The following MTHFD2L variants were observed in gnomAD, a reference collection of about 807,000 sequenced individuals.
MTHFD2L encodes bifunctional methylenetetrahydrofolate dehydrogenase/cyclohydrolase 2, mitochondrial.
MTHFD2L carries 29 observed loss-of-function variants against 34.9 expected under a neutral mutation model. The observed-to-expected ratio is 0.83, with a 90% CI of 0.62 to 1.13. The LOEUF (loss-of-function observed/expected upper bound fraction) is 1.13. Among genes scored for constraint, MTHFD2L ranks in the 50% most tolerant of loss-of-function variants. The pLI, the probability that MTHFD2L is intolerant of heterozygous loss-of-function variation, is 0.00. For missense variants in MTHFD2L, 481 were observed against 446.5 expected, an observed-to-expected ratio of 1.08 and a Z score of -0.70; for synonymous variants, 167 against 155.7, an observed-to-expected ratio of 1.07 and a Z score of -0.54.
intron 5 of MTHFD2L, among the ~76,000 whole-genome samples, chr4:74,210,651 T>G (rs1253296962): frequency 6.6e-6 from 1 of 152,128 alleles, no homozygotes; most frequent in African/African-American, 2.4e-5. Context: ...GTTCTTTTTG[T>G]TTAGGATTGT....
intron 6 of MTHFD2L, among the ~76,000 whole-genome samples, chr4:74,235,114 G>C (rs1172151050): frequency 6.6e-6 from 1 of 152,096 alleles, no homozygotes; most frequent in Non-Finnish European, 1.5e-5. Flanking sequence ...GGAAAAACCA[G>C]ATATCATAAT....
At chr4:74,242,380 G>A (rs1741850315) in intron 6 of MTHFD2L, among the ~76,000 whole-genome samples, 2 of 152,066 alleles carry the variant, frequency 1.3e-5, no homozygotes, top group African/African-American at 4.8e-5. Context: ...TAGAGTTTTA[G>A]TATAGGCTTA....
At chr4:74,188,806 G>A (rs1383543021) in intron 3 of MTHFD2L, among the ~76,000 whole-genome samples, 7 of 148,196 alleles carry the variant, frequency 4.7e-5, no homozygotes, top group Non-Finnish European at 1.0e-4. Flanking sequence ...ATATATATGT[G>A]TATACATATG....
Position 74,255,186 on chromosome 4 carries a change from TA to T in MTHFD2L, c.806-26232del, listed in dbSNP as rs1055384185. On this transcript the variant is annotated intron_variant, in intron 6 of 7. Transcript: ENST00000325278. ...AGAATTAGTTAATGGGTATACAGTA[TA>T]AAAAAATGTAAATTGTGACATCAGT... 7.7e-5 allele frequency among the ~76,000 whole-genome samples: 9 copies of T among 116,964 alleles called. No individual in the cohort carries two copies. In the South Asian group the frequency reaches 1.2e-3, roughly 15 times the overall value. 76.7% of individuals were successfully genotyped at this position (116,964 alleles called of 152,430 possible).
chr4:74,261,342 T>C (rs1744662281), intron 6 of MTHFD2L, among the ~76,000 whole-genome samples: 1 of 151,818 alleles, frequency 6.6e-6, no homozygotes, highest in Non-Finnish European at 1.5e-5. Flanking sequence ...CAATAATATA[T>C]AATTAGAAAA....
intron 3 of MTHFD2L, chr4:74,180,815 T>C: frequency 3.0e-6 from 1 of 328,162 alleles, no homozygotes; most frequent in Non-Finnish European, 6.9e-6. Flanking sequence ...GCTTTCCTAC[T>C]CCTGTCCTGA....
intron 1 of MTHFD2L, among the ~76,000 whole-genome samples, chr4:74,130,924 A>T (rs150292269): frequency 0.014 from 2,056 of 152,288 alleles, 66 homozygotes; most frequent in African/African-American, 0.047. Flanking sequence ...GAAAATCACA[A>T]GCATTCCTAT....
chr4:74,151,731 T>A (rs993790892), intron 1 of MTHFD2L, among the ~76,000 whole-genome samples: 4 of 152,220 alleles, frequency 2.6e-5, no homozygotes, highest in African/African-American at 9.6e-5. Flanking sequence ...GGTATTGGAT[T>A]AATAGATTAT....
intron 7 of MTHFD2L, among the ~76,000 whole-genome samples, chr4:74,287,486 C>A (rs768181137): frequency 5.3e-5 from 8 of 152,156 alleles, no homozygotes; most frequent in Non-Finnish European, 1.2e-4. Flanking sequence ...GTGGCTCACA[C>A]CTGTAATCCC....
At chr4:74,162,667 A>G (rs906050617) in intron 1 of MTHFD2L, among the ~76,000 whole-genome samples, 1 of 152,178 alleles carries the variant, frequency 6.6e-6, no homozygotes, top group African/African-American at 2.4e-5. Flanking sequence ...TTGCATATAC[A>G]GTATGTCCTT....
At chr4:74,290,676 A>G (rs1036961431) in intron 7 of MTHFD2L, among the ~76,000 whole-genome samples, 4 of 151,900 alleles carry the variant, frequency 2.6e-5, no homozygotes, top group Admixed American at 6.6e-5. Context: ...GCGAGGGTAC[A>G]TTGCTCACGT....
chr4:74,196,546 ATGT>A (rs1460110388), intron 3 of MTHFD2L, among the ~76,000 whole-genome samples: 2 of 152,216 alleles, frequency 1.3e-5, no homozygotes, highest in East Asian at 1.9e-4. Context: ...TTAAACAGTA[ATGT>A]TGTAAAAATC....
At chr4:74,211,996 C>T (rs928283259) in intron 5 of MTHFD2L, among the ~76,000 whole-genome samples, 1 of 151,832 alleles carries the variant, frequency 6.6e-6, no homozygotes, top group African/African-American at 2.4e-5. Context: ...GTATATTCTT[C>T]TGGTAGTTTG....
At chr4:74,248,497 T>C (rs1578609801) in intron 6 of MTHFD2L, among the ~76,000 whole-genome samples, 6 of 150,374 alleles carry the variant, frequency 4.0e-5, no homozygotes, top group Admixed American at 4.0e-4. Flanking sequence ...CTGCTCTGAT[T>C]TTAGTTATTT....
upstream of MTHFD2L, among the ~76,000 whole-genome samples, chr4:74,120,995 AT>A (rs1721744475): frequency 6.6e-6 from 1 of 152,244 alleles, no homozygotes; most frequent in African/African-American, 2.4e-5. Flanking sequence ...GAGGGGCTGC[AT>A]TCAAAGCCAA....
At chr4:74,157,930 C>T, upstream of MTHFD2L, 1 of 806,418 alleles carries the variant, frequency 1.2e-6, no homozygotes, top group Admixed American at 2.0e-5. Context: ...GGGTCCTGGC[C>T]CCGCCCCCTG....
At chr4:74,163,667 C>T (rs889937788) in intron 1 of MTHFD2L, among the ~76,000 whole-genome samples, 1 of 152,230 alleles carries the variant, frequency 6.6e-6, no homozygotes, top group African/African-American at 2.4e-5. Flanking sequence ...ATTTTAATAA[C>T]ACACTTCAAA....
intron 7 of MTHFD2L, among the ~76,000 whole-genome samples, chr4:74,298,161 T>C (rs1749853184): frequency 6.6e-6 from 1 of 152,102 alleles, no homozygotes; most frequent in South Asian, 2.1e-4. Flanking sequence ...ATATACTTTA[T>C]TTCAAAAACA....
At chr4:74,160,176 A>G (rs1725116787) in intron 1 of MTHFD2L, 1 of 1,017,788 alleles carries the variant, frequency 9.8e-7, no homozygotes, top group Non-Finnish European at 1.3e-6. Context: ...AGTTCTTCAT[A>G]GTTAATGTGG....
Sources: gnomAD v4.1 joint callset for allele counts (sites outside exome capture counted in the v4.1 genomes callset) on GRCh38, gnomAD v4.1.1 for gene constraint, MANE v1.5 for transcripts, NCBI Gene and HGNC (gene_info 2026-07-23, HGNC 2026-07-21) for gene names.